Variants in CTNNA3 observed in about 807,000 individuals in gnomAD.
CTNNA3 encodes catenin alpha 3.
In CTNNA3, 76 loss-of-function variants were observed where a neutral mutation model predicts 95.7. That is an observed-to-expected ratio of 0.79 (90% confidence interval 0.66 to 0.96). The LOEUF is 0.96. Ranked by LOEUF, CTNNA3 falls within the 40% of genes least tolerant of loss-of-function variation. The pLI is 0.00. For synonymous variants in CTNNA3, 431 were observed against 374.4 expected (o/e 1.15, Z -1.74); for missense variants, 1,191 against 1,089.8 (o/e 1.09, Z -1.31).
At chr10:66,677,315 T>C (rs1589111121) in intron 9 of CTNNA3, among the ~76,000 whole-genome samples, 1 of 152,146 alleles carries the variant, frequency 6.6e-6, no homozygotes, top group African/African-American at 2.4e-5. Flanking sequence ...ATTAGCACTT[T>C]GTAATTTCCA....
chr10:67,401,082 A>G (rs1336968855), intron 5 of CTNNA3, among the ~76,000 whole-genome samples: 1 of 152,206 alleles, frequency 6.6e-6, no homozygotes, highest in East Asian at 1.9e-4. Context: ...ATCACATTAA[A>G]ATAAATGACA....
chr10:67,270,044 G>A (rs1338938915), intron 5 of CTNNA3, among the ~76,000 whole-genome samples: 1 of 150,904 alleles, frequency 6.6e-6, no homozygotes, highest in African/African-American at 2.4e-5. Flanking sequence ...TTCAGCAGCT[G>A]CACTCTAGAC....
intron 5 of CTNNA3, among the ~76,000 whole-genome samples, chr10:67,355,808 A>G (rs1356999120): frequency 1.3e-5 from 2 of 151,982 alleles, no homozygotes; most frequent in Non-Finnish European, 2.9e-5. Flanking sequence ...TTCCCTTTAT[A>G]TATTGCACTG....
intron 13 of CTNNA3, among the ~76,000 whole-genome samples, chr10:66,212,243 G>A (rs112891016): frequency 0.23 from 35,435 of 151,872 alleles, 6,964 homozygotes; most frequent in African/African-American, 0.54. Context: ...ACCCACCTCG[G>A]CCTCCCAAAG....
At chr10:66,752,906 T>C (rs950434052) in intron 9 of CTNNA3, among the ~76,000 whole-genome samples, 1 of 152,042 alleles carries the variant, frequency 6.6e-6, no homozygotes, top group Non-Finnish European at 1.5e-5. Context: ...TAAATGCTAA[T>C]CTGCCATGTG....
chr10:66,787,174 G>A (rs1840781911), intron 7 of CTNNA3, among the ~76,000 whole-genome samples: 1 of 152,090 alleles, frequency 6.6e-6, no homozygotes, highest in Non-Finnish European at 1.5e-5. Context: ...GTGAACTTAA[G>A]CAAATCACAC....
At chr10:65,921,473 G>A (rs2077085190) in intron 17 of CTNNA3, among the ~76,000 whole-genome samples, 1 of 152,250 alleles carries the variant, frequency 6.6e-6, no homozygotes, top group Non-Finnish European at 1.5e-5. Context: ...GTTTCTCACA[G>A]AGATTGTGTC....
chr10:65,953,935 G>A (rs962709978), intron 17 of CTNNA3, among the ~76,000 whole-genome samples: 7 of 152,140 alleles, frequency 4.6e-5, no homozygotes, highest in African/African-American at 1.7e-4. Flanking sequence ...GGTATTTCTA[G>A]TTCTAGATCC....
chr10:67,029,696 C>T (rs1853602750), intron 7 of CTNNA3, among the ~76,000 whole-genome samples: 1 of 152,110 alleles, frequency 6.6e-6, no homozygotes, highest in South Asian at 2.1e-4. Flanking sequence ...TCTACTAAAG[C>T]GTAAAACAAA....
At chr10:66,688,020 G>T (rs10762092) in intron 9 of CTNNA3, among the ~76,000 whole-genome samples, 1 of 151,710 alleles carries the variant, frequency 6.6e-6, no homozygotes, top group Non-Finnish European at 1.5e-5. Context: ...AAGCTGTTTT[G>T]AGGGTAAAAG....
chr10:66,027,153 T>G (rs557305206), intron 15 of CTNNA3, among the ~76,000 whole-genome samples: 1 of 152,242 alleles, frequency 6.6e-6, no homozygotes, highest in South Asian at 2.1e-4. Context: ...ATGGCTCTAG[T>G]TTTTGTGGTT....
chr10:66,547,343 C>CTTTTTTTTTTTTTTT (rs1246714246), intron 10 of CTNNA3, among the ~76,000 whole-genome samples: 1,436 of 83,138 alleles, frequency 0.017, 481 homozygotes, highest in East Asian at 0.092. Flanking sequence ...ATTTTTCTTT[C>CTTTTTTTTTTTTTTT]TTTCTTTTTT....
At chr10:67,442,481 CA>C (rs1450184802) in intron 5 of CTNNA3, among the ~76,000 whole-genome samples, 1 of 151,776 alleles carries the variant, frequency 6.6e-6, no homozygotes, top group Non-Finnish European at 1.5e-5. Flanking sequence ...ACTTCACTTA[CA>C]AAAATACACA....
intron 15 of CTNNA3, among the ~76,000 whole-genome samples, chr10:66,013,993 C>T (rs2079049762): frequency 1.3e-5 from 2 of 152,156 alleles, no homozygotes; most frequent in Non-Finnish European, 2.9e-5. Context: ...CCTCAACATT[C>T]TCCTGAAATT....
Position 67,227,611 on chromosome 10 carries a change from C to A in CTNNA3, c.580-7741G>T, listed in dbSNP as rs565595487. 2.0e-5 allele frequency among the ~76,000 whole-genome samples: 3 copies of A among 152,310 alleles called. No individual in the cohort carries two copies. In the South Asian group the frequency reaches 6.2e-4, roughly 32 times the overall value. On this transcript the variant is annotated intron_variant, in intron 5 of 17. Transcript: ENST00000433211. ...ACAATAATAGTGGGGGACTTCAATA[C>A]TCTACTGACAGCACTAGACAAGTCA...
intron 13 of CTNNA3, among the ~76,000 whole-genome samples, chr10:66,149,548 T>C (rs2084080510): frequency 6.6e-6 from 1 of 151,558 alleles, no homozygotes; most frequent in Non-Finnish European, 1.5e-5. Context: ...TTTTATTGTG[T>C]TTTTATCAAT....
intron 7 of CTNNA3, among the ~76,000 whole-genome samples, chr10:67,040,471 G>T (rs1854324985): frequency 1.3e-5 from 2 of 152,038 alleles, no homozygotes; most frequent in African/African-American, 4.8e-5. Flanking sequence ...ATTTGAGAGT[G>T]CCATGAAAAT....
chr10:65,933,636 C>T (rs138183797), intron 17 of CTNNA3, among the ~76,000 whole-genome samples: 1 of 152,238 alleles, frequency 6.6e-6, no homozygotes, highest in East Asian at 1.9e-4. Flanking sequence ...TTCCTCATAA[C>T]ACCAGTGTAA....
At chr10:67,300,845 A>G (rs2132494978) in intron 5 of CTNNA3, among the ~76,000 whole-genome samples, 1 of 152,236 alleles carries the variant, frequency 6.6e-6, no homozygotes, top group African/African-American at 2.4e-5. Context: ...GTACCTTCCC[A>G]TCTGGGCTAT....
Sources: gnomAD v4.1 joint callset for allele counts (sites outside exome capture counted in the v4.1 genomes callset) on GRCh38, gnomAD v4.1.1 for gene constraint, MANE v1.5 for transcripts, NCBI Gene and HGNC (gene_info 2026-07-23, HGNC 2026-07-21) for gene names.